Variants in LEPR observed in about 807,000 individuals in gnomAD.
The protein encoded by LEPR is OB receptor.
Under a neutral mutation model 114.7 loss-of-function variants are expected in LEPR, and 56 were observed. The ratio of observed to expected loss-of-function variants is 0.49; its 90% CI spans 0.39 to 0.61. LEPR has a LOEUF of 0.61. Among genes scored for constraint, LEPR ranks in the 20% least tolerant of loss-of-function variants. The pLI, the probability that LEPR is intolerant of heterozygous loss-of-function variation, is 0.00. For synonymous variants in LEPR, 443 were observed against 461.4 expected, an observed-to-expected ratio of 0.96 and a Z score of 0.51; for missense variants, 1,202 against 1,352.9, an observed-to-expected ratio of 0.89 and a Z score of 1.75.
chr1:65,447,722 A>G (rs908894713), intron 2 of LEPR, among the ~76,000 whole-genome samples: 2 of 151,760 alleles, frequency 1.3e-5, no homozygotes, highest in Admixed American at 6.6e-5. Context: ...TTTGTTTTGC[A>G]GATATGGGTT....
At chr1:65,591,535 T>C (rs953815489) in intron 5 of LEPR, among the ~76,000 whole-genome samples, 3 of 152,094 alleles carry the variant, frequency 2.0e-5, no homozygotes, top group African/African-American at 4.8e-5. Flanking sequence ...TGGATTGTTA[T>C]GTTCTCTTGG....
At position 65,616,241 on chromosome 1, in the gene LEPR, A is replaced by T. The variant is rs1450168452; in HGVS notation, c.2212+17A>T. ...TGAGCAAAGGTAAGAAGAGGTACAG[A>T]GTGGTAATCCATTGCCTCTTTTAAT... On this transcript the variant is annotated intron_variant, in intron 15 of 19. Coordinates refer to ENST00000349533, the MANE Select transcript of LEPR (RefSeq NM_002303.6). The T allele has an allele frequency of 6.2e-7, 1 of 1,611,298 alleles. No homozygotes were observed. Among genetic ancestry groups the T allele is most frequent in the Non-Finnish European group, 8.5e-7 (1 of 1,177,832 alleles).
At chr1:65,430,601 C>T (rs958015362) in intron 2 of LEPR, among the ~76,000 whole-genome samples, 2 of 152,160 alleles carry the variant, frequency 1.3e-5, no homozygotes, top group African/African-American at 4.8e-5. Context: ...GTCTTTCCTA[C>T]TATTTGATTT....
At chr1:65,433,787 T>C (rs1295127074) in intron 2 of LEPR, 15 of 953,706 alleles carry the variant, frequency 1.6e-5, no homozygotes, top group Non-Finnish European at 1.9e-5. Context: ...TTGTAATAAA[T>C]TTCACTTTTA....
At chr1:65,473,879 A>T (rs559440428) in intron 2 of LEPR, among the ~76,000 whole-genome samples, 199 of 152,348 alleles carry the variant, frequency 1.3e-3, no homozygotes, top group Middle Eastern at 6.8e-3. Flanking sequence ...AGCTATAATT[A>T]TAAGAAATTG....
At chr1:65,491,896 G>T (rs1345181076) in intron 2 of LEPR, among the ~76,000 whole-genome samples, 1 of 152,072 alleles carries the variant, frequency 6.6e-6, no homozygotes, top group East Asian at 1.9e-4. Flanking sequence ...TTGTCGTTTT[G>T]TGTTTCTGTT....
rs1648224637 is a variant in LEPR, at chr1:65,497,468, CT to C, written c.-20-68077del. 2.0e-5 allele frequency among the ~76,000 whole-genome samples: 3 copies of C among 152,254 alleles called. No homozygotes were observed. In the South Asian group the frequency reaches 6.2e-4, roughly 32 times the overall value. On this transcript the variant is annotated intron_variant, in intron 2 of 19. Transcript: ENST00000349533. ...GATTGTTCAAGGCTAGACACCCTTC[CT>C]GTCTTGAGCTGTCCAATAGTAACTT... is the stretch of plus-strand genomic sequence containing the variant.
intron 2 of LEPR, among the ~76,000 whole-genome samples, chr1:65,488,517 C>G (rs1317897372): frequency 2.0e-5 from 3 of 151,142 alleles, no homozygotes; most frequent in Non-Finnish European, 4.4e-5. Flanking sequence ...TTTTTTGAGA[C>G]AGGGTTTTCT....
In LEPR at chr1:65,621,592, T is replaced by C. The variant is rs1246021412; in HGVS notation, c.2597+134T>C. On this transcript the variant is annotated intron_variant, in intron 18 of 19. Transcript: ENST00000349533. The stretch of plus-strand genomic sequence containing the variant: ...ATATGTAGTCTGTATACAATTAAGA[T>C]AGCATAAAAAGGAAAGGCCTGTTGT... 6 of 737,340 alleles carry C rather than the reference T, an allele frequency of 8.1e-6. No homozygotes were observed. The East Asian group carries it at 8.2e-5, about 10-fold the overall frequency. The allele number at this position is 737,340 out of a possible 1,614,324, so 45.7% of individuals were successfully genotyped here.
intron 2 of LEPR, among the ~76,000 whole-genome samples, chr1:65,438,113 C>CTTTTTTT (rs36053447): frequency 1.1e-5 from 1 of 87,758 alleles, no homozygotes; most frequent in Non-Finnish European, 2.1e-5. Flanking sequence ...TCCTAGCCGC[C>CTTTTTTT]TTTTTTTTTT....
intron 19 of LEPR, chr1:65,630,427 GA>G (rs199954381): frequency 3.9e-4 from 52 of 134,450 alleles, no homozygotes; most frequent in South Asian, 7.2e-4. Context: ...AAAAAAGAAA[GA>G]AAAAAAAATT....
chr1:65,451,459 G>C (rs1450032955), intron 2 of LEPR, among the ~76,000 whole-genome samples: 1 of 151,926 alleles, frequency 6.6e-6, no homozygotes, highest in East Asian at 1.9e-4. Flanking sequence ...TTTGTATAAG[G>C]TGTAAGGAAG....
intron 2 of LEPR, among the ~76,000 whole-genome samples, chr1:65,469,799 A>G (rs1361753218): frequency 6.6e-6 from 1 of 152,208 alleles, no homozygotes; most frequent in Admixed American, 6.5e-5. Flanking sequence ...GAGCTTTAAC[A>G]CCAATAAGTG....
chr1:65,531,803 C>T (rs1416229564), intron 2 of LEPR, among the ~76,000 whole-genome samples: 1 of 152,138 alleles, frequency 6.6e-6, no homozygotes, highest in African/African-American at 2.4e-5. Flanking sequence ...TTCCTTCCTG[C>T]CTTCCTCCCT....
chr1:65,636,437 T>A lies in LEPR; in HGVS notation c.2920T>A (p.Tyr974Asn). ...TGAGGCTGAGGGTACTGAGGTAACC[T>A]ATGAGGACGAAAGCCAGAGACAACC... ...FSEAEGTEVT[Y>N]EDESQRQPFV... The change falls in exon 20 of 20, where the codon TAT becomes AAT. Residue 974 changes from tyrosine to asparagine, a missense_variant. Physicochemically the swap from Tyr to Asn is moderately radical, Grantham distance 143. Coordinates refer to ENST00000349533, the MANE Select transcript of LEPR (RefSeq NM_002303.6). 1 of 1,614,120 alleles carries A rather than the reference T, an allele frequency of 6.2e-7. No homozygotes were observed. Among genetic ancestry groups the A allele is most frequent in the Non-Finnish European group, 8.5e-7 (1 of 1,180,012 alleles).
At chr1:65,425,504 T>G (rs1646343303) in intron 2 of LEPR, 126 bp downstream of exon 2, 1 of 691,224 alleles carries the variant, frequency 1.4e-6, no homozygotes, top group African/African-American at 1.9e-5. Context: ...GCCCAGTTTA[T>G]GAACACAGTC....
intron 7 of LEPR, 80 bp from the exon 8 acceptor site, chr1:65,598,580 A>T: frequency 3.2e-6 from 5 of 1,578,232 alleles, no homozygotes; most frequent in Non-Finnish European, 4.3e-6. Flanking sequence ...TTGAAATTTG[A>T]TGAGATTAGC....
chr1:65,637,190 C>G lies in LEPR; in HGVS notation c.*175C>G. On this transcript the variant is annotated 3_prime_UTR_variant, in exon 20 of 20. Coordinates refer to ENST00000349533, the MANE Select transcript of LEPR (RefSeq NM_002303.6). Reference sequence around the variant, plus strand: ...AACATAGACAAAAAATTTGAGAAAGCCTTCATAAGCCTACCAATGTAGACA... The same window carrying G: ...AACATAGACAAAAAATTTGAGAAAGGCTTCATAAGCCTACCAATGTAGACA... 3.2e-6 allele frequency: 2 copies of G among 632,650 alleles called. No individual in the cohort carries two copies. The highest frequency in any genetic ancestry group is 5.2e-6 in the Non-Finnish European group (2 of 386,330). The allele number at this position is 632,650 out of a possible 1,614,324, so 39.2% of individuals were successfully genotyped here. A position where few individuals can be genotyped will look rare whatever the true frequency, so the allele number is the denominator to read the frequency against.
chr1:65,636,467 G>T lies in LEPR; in HGVS notation c.2950G>T (p.Val984Phe), dbSNP rs1295208206. ...YEDESQRQPF[V>F]KYATLISNSK... ...GGACGAAAGCCAGAGACAACCCTTT[G>T]TTAAATACGCCACGCTGATCAGCAA... is the stretch of plus-strand genomic sequence containing the variant. Residue 984 changes from valine (V) to phenylalanine (F), a missense_variant, in exon 20 of 20, where the codon GTT becomes TTT. Coordinates refer to ENST00000349533, the MANE Select transcript of LEPR (RefSeq NM_002303.6). 6.2e-7 allele frequency: 1 copy of T among 1,613,938 alleles called. No homozygotes were observed. The highest frequency in any genetic ancestry group is 8.5e-7 in the Non-Finnish European group (1 of 1,180,000).
Sources: allele counts gnomAD v4.1 joint callset (sites outside exome capture counted in the v4.1 genomes callset), GRCh38; gene constraint gnomAD v4.1.1; transcripts MANE v1.5; gene names NCBI Gene and HGNC (gene_info 2026-07-23, HGNC 2026-07-21).